The following DLGAP2 variants were observed in gnomAD, a reference collection of about 807,000 sequenced individuals.
DLGAP2 encodes the protein disks large-associated protein 2.
A neutral mutation model predicts 100.3 loss-of-function variants in DLGAP2; 26 were observed. The ratio of observed to expected loss-of-function variants is 0.26; its 90% CI spans 0.19 to 0.36. DLGAP2 has a LOEUF of 0.36. Ranked by LOEUF, DLGAP2 falls within the 10% of genes least tolerant of loss-of-function variation. The pLI is 1.00. For missense variants in DLGAP2, 1,858 were observed against 1,453.2 expected (o/e 1.28, Z -4.53); for synonymous variants, 886 against 630.1 (o/e 1.41, Z -6.08).
At chr8:1,142,270 A>AG (rs1210744447) in intron 2 of DLGAP2, among the ~76,000 whole-genome samples, 2 of 152,196 alleles carry the variant, frequency 1.3e-5, no homozygotes, top group African/African-American at 2.4e-5. Flanking sequence ...ATGAAGGGTT[A>AG]TACAGTTAAT....
rs1318635736 is a variant in DLGAP2 at position 1,287,215 on chromosome 8, G to A, written c.106+28332G>A. 2.7e-5 allele frequency among the ~76,000 whole-genome samples: 4 copies of A among 148,250 alleles called. No homozygotes were observed. The East Asian group carries it at 8.2e-4, about 30-fold the overall frequency. On this transcript the variant is annotated intron_variant, in intron 3 of 14. Transcript: ENST00000637795. ...ACTAGTTTTGGTTCAGTGTGTGTGT[G>A]TGTGTGTGTGTATGTGGTTTTGTTA...
At chr8:748,508 C>A (rs1188392512) in intron 1 of DLGAP2, among the ~76,000 whole-genome samples, 1 of 152,122 alleles carries the variant, frequency 6.6e-6, no homozygotes, top group Non-Finnish European at 1.5e-5. Flanking sequence ...GGAGGAAGCC[C>A]TTACCTGGCA....
intron 6 of DLGAP2, among the ~76,000 whole-genome samples, chr8:1,584,997 CAAATT>C (rs1212752547): frequency 1.3e-5 from 2 of 151,832 alleles, no homozygotes; most frequent in South Asian, 2.1e-4. Context: ...CAATGAAAGA[CAAATT>C]AAAAACTTCC....
chr8:1,430,909 TC>T (rs1234513103), intron 3 of DLGAP2, among the ~76,000 whole-genome samples: 39 of 152,210 alleles, frequency 2.6e-4, no homozygotes, highest in African/African-American at 8.2e-4. Flanking sequence ...AGATCTGGTT[TC>T]CTATTCTGAC....
intron 1 of DLGAP2, among the ~76,000 whole-genome samples, chr8:781,433 C>G (rs1554561716): frequency 2.0e-5 from 3 of 151,618 alleles, no homozygotes; most frequent in Admixed American, 1.3e-4. Flanking sequence ...TTTTTTGTTG[C>G]TATTTTAATT....
chr8:884,374 C>T (rs1797880292), intron 1 of DLGAP2, among the ~76,000 whole-genome samples: 1 of 152,124 alleles, frequency 6.6e-6, no homozygotes, highest in African/African-American at 2.4e-5. Context: ...TTTTGATTTG[C>T]ATTTCTGTGA....
At position 854,878 on chromosome 8, in the gene DLGAP2, G is replaced by T. The variant is rs563630151; in HGVS notation, c.19-53034G>T. 8.5e-5 allele frequency among the ~76,000 whole-genome samples: 13 copies of T among 152,368 alleles called. No individual in the cohort carries two copies. The East Asian group carries it at 2.5e-3, about 29-fold the overall frequency. On this transcript the variant is annotated intron_variant, in intron 1 of 14. Transcript: ENST00000637795. ...TCCCACATGGGAAATGCTCCCACAG[G>T]TATCAGGAAACAGTAGTGAGGAACG...
Position 1,216,285 on chromosome 8 carries a change from A to G in DLGAP2, c.74-42566A>G, listed in dbSNP as rs141669233. 1.8e-3 allele frequency among the ~76,000 whole-genome samples: 276 copies of G among 152,248 alleles called. 1 individual carries two copies. Among genetic ancestry groups the G allele is most frequent in the Middle Eastern group, 0.01 (3 of 294 alleles). Reference sequence around the variant, plus strand: ...GTGGTAACTACAGACAGCTCAGTCAACTTCATACAGGGGCTCTGATATCCA... The same window carrying G: ...GTGGTAACTACAGACAGCTCAGTCAGCTTCATACAGGGGCTCTGATATCCA... On this transcript the variant is annotated intron_variant, in intron 2 of 14. Coordinates refer to ENST00000637795, the MANE Select transcript of DLGAP2 (RefSeq NM_001346810.2).
intron 1 of DLGAP2, among the ~76,000 whole-genome samples, chr8:872,813 C>T (rs989202851): frequency 6.6e-6 from 1 of 152,202 alleles, no homozygotes; most frequent in Non-Finnish European, 1.5e-5. Context: ...TTTAGGCACC[C>T]TCTCTGTCCT....
chr8:787,764 C>A (rs1383080166), intron 1 of DLGAP2, among the ~76,000 whole-genome samples: 1 of 152,222 alleles, frequency 6.6e-6, no homozygotes, highest in Non-Finnish European at 1.5e-5. Context: ...AGTTCATCTT[C>A]CTGGAGTGTA....
intron 1 of DLGAP2, among the ~76,000 whole-genome samples, chr8:775,250 C>T (rs1048994447): frequency 1.9e-4 from 29 of 152,080 alleles, no homozygotes; most frequent in Non-Finnish European, 3.5e-4. Context: ...AGATTTTGGG[C>T]TGAGACAATG....
intron 8 of DLGAP2, among the ~76,000 whole-genome samples, chr8:1,666,175 A>G (rs985212267): frequency 1.3e-5 from 2 of 152,216 alleles, no homozygotes; most frequent in African/African-American, 4.8e-5. Flanking sequence ...AGTGCCTTGA[A>G]TCTTGTCAGT....
chr8:1,225,496 C>T (rs1211101699), intron 2 of DLGAP2, among the ~76,000 whole-genome samples: 1 of 152,192 alleles, frequency 6.6e-6, no homozygotes, highest in Non-Finnish European at 1.5e-5. Context: ...CGTCTTGAAA[C>T]TGGACAGAGC....
chr8:745,842 C>T (rs1321765843), intron 1 of DLGAP2, among the ~76,000 whole-genome samples: 1 of 152,168 alleles, frequency 6.6e-6, no homozygotes, highest in Non-Finnish European at 1.5e-5. Context: ...ATCCCATTTC[C>T]CTAAAGCTAC....
At chr8:1,569,378 A>G (rs1802562451) in intron 6 of DLGAP2, among the ~76,000 whole-genome samples, 1 of 152,252 alleles carries the variant, frequency 6.6e-6, no homozygotes, top group African/African-American at 2.4e-5. Flanking sequence ...AATAAAGCAG[A>G]GAAAGCAGCC....
chr8:1,107,902 G>C (rs1025911713), intron 2 of DLGAP2, among the ~76,000 whole-genome samples: 1 of 152,154 alleles, frequency 6.6e-6, no homozygotes, highest in Non-Finnish European at 1.5e-5. Flanking sequence ...GGGAGCTCAC[G>C]AGATGGCAGA....
intron 3 of DLGAP2, among the ~76,000 whole-genome samples, chr8:1,332,053 C>T (rs897706247): frequency 1.3e-5 from 2 of 152,218 alleles, no homozygotes; most frequent in African/African-American, 4.8e-5. Flanking sequence ...TGTTGGGGTG[C>T]AGCCCTCTGT....
intron 8 of DLGAP2, among the ~76,000 whole-genome samples, chr8:1,654,919 G>A (rs10448098): frequency 6.6e-6 from 1 of 151,978 alleles, no homozygotes; most frequent in African/African-American, 2.4e-5. Flanking sequence ...AAACGTTGAT[G>A]CATTCTCAGT....
chr8:783,469 G>C (rs1430224950), intron 1 of DLGAP2, among the ~76,000 whole-genome samples: 1 of 152,140 alleles, frequency 6.6e-6, no homozygotes, highest in African/African-American at 2.4e-5. Context: ...TAGTTTTCTG[G>C]GCATTTGGAT....
Sources: allele counts gnomAD v4.1 joint callset (sites outside exome capture counted in the v4.1 genomes callset), GRCh38; gene constraint gnomAD v4.1.1; transcripts MANE v1.5; gene names NCBI Gene and HGNC (gene_info 2026-07-23, HGNC 2026-07-21).